HHLA2: variants seen among roughly 807,000 people sequenced by gnomAD.
HHLA2 encodes HERV-H LTR-associating protein 2.
HHLA2 carries 48 observed loss-of-function variants against 45.9 expected under a neutral mutation model. The ratio of observed to expected loss-of-function variants is 1.05; its 90% CI spans 0.83 to 1.33. The LOEUF (loss-of-function observed/expected upper bound fraction) is 1.33. Ranked by LOEUF, HHLA2 falls within the 40% of genes most tolerant of loss-of-function variation. The pLI is 0.00. For synonymous variants in HHLA2, 161 were observed against 173.9 expected (o/e 0.93, Z 0.59); for missense variants, 462 against 494.3 (o/e 0.93, Z 0.62).
At chr3:108,318,639 A>C (rs183208387) in intron 2 of HHLA2, among the ~76,000 whole-genome samples, 1 of 152,322 alleles carries the variant, frequency 6.6e-6, no homozygotes, top group Non-Finnish European at 1.5e-5. Flanking sequence ...AGGAAAAATT[A>C]GAAAATGGAG....
exon 1 of HHLA2, chr3:108,296,573 A>G (rs898557155): frequency 1.3e-5 from 2 of 152,190 alleles, no homozygotes; most frequent in African/African-American, 4.8e-5. Flanking sequence ...TTAGCATTTG[A>G]CTAGACGGTA....
chr3:108,324,052 T>A (rs1166409869), intron 2 of HHLA2, among the ~76,000 whole-genome samples: 1 of 152,210 alleles, frequency 6.6e-6, no homozygotes, highest in Non-Finnish European at 1.5e-5. Flanking sequence ...TAGAAAACAA[T>A]GATTTCATCA....
rs777291882 is a variant in HHLA2 at position 108,375,735 on chromosome 3, G to T, written c.1109-15G>T. On this transcript the variant is annotated splice_polypyrimidine_tract_variant and intron_variant, in intron 8 of 10. Coordinates refer to ENST00000619531, the Ensembl canonical transcript of HHLA2. ...TAAATACCTAATTTCACTCTTCCCT[G>T]TCTCTGATCTACAGCCCAGCTAGAA... is the stretch of plus-strand genomic sequence containing the variant. 6.2e-7 allele frequency: 1 copy of T among 1,609,098 alleles called. No individual in the cohort carries two copies. The highest frequency in any genetic ancestry group is 8.5e-7 in the Non-Finnish European group (1 of 1,176,944).
chr3:108,375,488 A>T (rs2082257997), intron 8 of HHLA2, among the ~76,000 whole-genome samples: 1 of 152,076 alleles, frequency 6.6e-6, no homozygotes, highest in South Asian at 2.1e-4. Context: ...ATAATAATAC[A>T]AAATAAATAA....
intron 8 of HHLA2, among the ~76,000 whole-genome samples, chr3:108,365,920 C>T (rs111921344): frequency 0.036 from 5,414 of 152,266 alleles, 127 homozygotes; most frequent in Non-Finnish European, 0.058. Context: ...ACAATGACAT[C>T]ATCTGCAAAC....
chr3:108,340,916 C>CTTCCTTCT (rs1560230050), intron 3 of HHLA2, among the ~76,000 whole-genome samples: 1 of 44,922 alleles, frequency 2.2e-5, no homozygotes, highest in East Asian at 3.6e-4. Context: ...TTTTTCCTTC[C>CTTCCTTCT]TTCCTTCCTT....
At chr3:108,303,909 AT>A (rs1176640367) in intron 1 of HHLA2, among the ~76,000 whole-genome samples, 4 of 152,080 alleles carry the variant, frequency 2.6e-5, no homozygotes, top group Non-Finnish European at 5.9e-5. Flanking sequence ...GTGGTTGGGT[AT>A]TTTGTGTTCT....
chr3:108,358,009 A>G (rs376551867), exon 7 of HHLA2: 7 of 1,613,800 alleles, frequency 4.3e-6, no homozygotes, highest in African/African-American at 1.3e-5. Flanking sequence ...ACAATTATCA[A>G]TGAATCCCGA....
At chr3:108,378,198 T>C (rs1299915915) in exon 11 of HHLA2, 2 of 152,256 alleles carry the variant, frequency 1.3e-5, no homozygotes. Flanking sequence ...TAAGAACTAA[T>C]GATAATCCAT....
At chr3:108,362,059 A>G (rs1277387473) in intron 7 of HHLA2, among the ~76,000 whole-genome samples, 1 of 152,164 alleles carries the variant, frequency 6.6e-6, no homozygotes, top group African/African-American at 2.4e-5. Flanking sequence ...CCAATCTCCA[A>G]TAATATTATG....
chr3:108,340,468 T>C (rs575071959), intron 3 of HHLA2, among the ~76,000 whole-genome samples: 1 of 152,194 alleles, frequency 6.6e-6, no homozygotes, highest in Non-Finnish European at 1.5e-5. Context: ...TCAGAAAACT[T>C]CGTTGGAGAA....
At chr3:108,353,843 T>C (rs2081835469) in intron 5 of HHLA2, 63 bp downstream of exon 4, 1 of 1,284,854 alleles carries the variant, frequency 7.8e-7, no homozygotes, top group Non-Finnish European at 1.1e-6. Context: ...TTAGTAAGCG[T>C]CTTTTTCCTA....
chr3:108,300,383 A>G (rs2080830327), intron 1 of HHLA2, among the ~76,000 whole-genome samples: 2 of 152,188 alleles, frequency 1.3e-5, no homozygotes, highest in African/African-American at 2.4e-5. Flanking sequence ...TTGATGAGTC[A>G]AAGATTCAGG....
At chr3:108,318,407 A>T (rs1300025481) in intron 2 of HHLA2, among the ~76,000 whole-genome samples, 2 of 152,200 alleles carry the variant, frequency 1.3e-5, no homozygotes, top group Admixed American at 6.5e-5. Context: ...GTCTACCAGG[A>T]TGCATTAGCT....
chr3:108,320,154 T>C (rs772689048), intron 2 of HHLA2, among the ~76,000 whole-genome samples: 3 of 152,218 alleles, frequency 2.0e-5, no homozygotes, highest in Admixed American at 6.5e-5. Context: ...ATAGACTATT[T>C]CCTAGAAGAA....
intron 8 of HHLA2, among the ~76,000 whole-genome samples, chr3:108,364,223 T>A (rs548321020): frequency 6.6e-6 from 1 of 152,300 alleles, no homozygotes; most frequent in Non-Finnish European, 1.5e-5. Flanking sequence ...AATTCCCACC[T>A]ATGAGTGAGA....
At chr3:108,339,424 T>G (rs2081527915) in intron 3 of HHLA2, among the ~76,000 whole-genome samples, 1 of 152,162 alleles carries the variant, frequency 6.6e-6, no homozygotes, top group Admixed American at 6.5e-5. Flanking sequence ...CTTTGCTGTT[T>G]GTCAATTACA....
At chr3:108,367,765 C>G (rs2082088653) in intron 8 of HHLA2, among the ~76,000 whole-genome samples, 1 of 152,074 alleles carries the variant, frequency 6.6e-6, no homozygotes, top group Admixed American at 6.5e-5. Flanking sequence ...AGAATGGAAC[C>G]CAGTTGGAAA....
At chr3:108,375,671 C>G in intron 8 of HHLA2, 79 bp from the exon 8 acceptor site, 4 of 1,526,350 alleles carry the variant, frequency 2.6e-6, no homozygotes, top group Non-Finnish European at 3.5e-6. Context: ...AAGGACAGAG[C>G]CATACCAAGG....
Sources: allele counts gnomAD v4.1 joint callset (sites outside exome capture counted in the v4.1 genomes callset), GRCh38; gene constraint gnomAD v4.1.1; transcripts MANE v1.5; gene names NCBI Gene and HGNC (gene_info 2026-07-23, HGNC 2026-07-21).